Variants in KCNK2 observed in about 807,000 individuals in gnomAD.
The protein encoded by KCNK2 is potassium two pore domain channel subfamily K member 2.
KCNK2 carries 21 observed loss-of-function variants against 40.5 expected under a neutral mutation model. The ratio of observed to expected loss-of-function variants is 0.52; its 90% CI spans 0.37 to 0.75. The LOEUF (loss-of-function observed/expected upper bound fraction) is 0.75, where lower values mean the gene tolerates loss of function less well. Ranked by LOEUF, KCNK2 falls within the 30% of genes least tolerant of loss-of-function variation. KCNK2 has a pLI of 0.00. For missense variants in KCNK2, 399 were observed against 531.6 expected (o/e 0.75, Z 2.45); for synonymous variants, 191 against 202.2 (o/e 0.94, Z 0.47).
rs185636861 is a variant in KCNK2, at chr1:215,172,258, C to T, written c.823+75C>T. ...ATAGATTTTTCACTTAGGTTTATAACGAAACACAAGGGCTGTATGAGTTTT... is the reference window on the plus strand; with the variant it reads ...ATAGATTTTTCACTTAGGTTTATAATGAAACACAAGGGCTGTATGAGTTTT... On this transcript the variant is annotated intron_variant, in intron 5 of 6. Transcript: ENST00000444842. 1.2e-4 allele frequency: 157 copies of T among 1,349,010 alleles called. No individual in the cohort carries two copies. The African/African-American group carries it at 1.9e-3, about 17-fold the overall frequency. The allele number at this position is 1,349,010 out of a possible 1,614,324, so 83.6% of individuals were successfully genotyped here.
intron 3 of KCNK2, among the ~76,000 whole-genome samples, chr1:215,149,067 T>C (rs1662568050): frequency 6.6e-6 from 1 of 152,164 alleles, no homozygotes. Flanking sequence ...GTTTTGAAAC[T>C]ACAGAATATC....
At chr1:215,059,042 T>G (rs1658264627) in intron 1 of KCNK2, among the ~76,000 whole-genome samples, 2 of 144,912 alleles carry the variant, frequency 1.4e-5, no homozygotes, top group Admixed American at 1.4e-4. Context: ...TGTGTGTGTA[T>G]GCACATATAC....
intron 4 of KCNK2, among the ~76,000 whole-genome samples, chr1:215,169,794 C>T (rs960263442): frequency 2.6e-5 from 4 of 151,678 alleles, no homozygotes; most frequent in African/African-American, 4.8e-5. Flanking sequence ...TATAGGCACC[C>T]GCCACCATGC....
intron 2 of KCNK2, among the ~76,000 whole-genome samples, chr1:215,118,025 A>G (rs1288726865): frequency 6.6e-6 from 1 of 152,164 alleles, no homozygotes; most frequent in Non-Finnish European, 1.5e-5. Context: ...TTTTAAAAAT[A>G]CTTAGAAAAT....
intron 1 of KCNK2, among the ~76,000 whole-genome samples, chr1:215,040,736 T>C (rs1164226884): frequency 6.6e-6 from 1 of 152,144 alleles, no homozygotes; most frequent in Admixed American, 6.6e-5. Flanking sequence ...AGTTCTCACA[T>C]CTGTAACTGA....
chr1:215,183,496 G>A (rs1218639152), intron 5 of KCNK2, among the ~76,000 whole-genome samples: 3 of 152,032 alleles, frequency 2.0e-5, no homozygotes, highest in African/African-American at 7.3e-5. Context: ...TATTTCAACT[G>A]CCATTTGCTT....
chr1:215,234,602 CAT>C (rs1666801400), intron 6 of KCNK2, among the ~76,000 whole-genome samples: 1 of 152,078 alleles, frequency 6.6e-6, no homozygotes, highest in African/African-American at 2.4e-5. Flanking sequence ...TTGTTTGATT[CAT>C]AGAGTTTAAG....
intron 5 of KCNK2, among the ~76,000 whole-genome samples, chr1:215,176,281 C>G (rs945930789): frequency 6.6e-6 from 1 of 151,978 alleles, no homozygotes; most frequent in African/African-American, 2.4e-5. Context: ...TTGTTAGAAA[C>G]TTGTGTGTCT....
intron 1 of KCNK2, among the ~76,000 whole-genome samples, chr1:215,016,329 C>G (rs1656584502): frequency 6.6e-6 from 1 of 151,950 alleles, no homozygotes; most frequent in Non-Finnish European, 1.5e-5. Flanking sequence ...AAACTGGAGG[C>G]ATCACACTCC....
chr1:215,203,706 A>G (rs1278869335), intron 6 of KCNK2, among the ~76,000 whole-genome samples: 2 of 152,144 alleles, frequency 1.3e-5, no homozygotes, highest in East Asian at 3.9e-4. Flanking sequence ...TCACAAAACC[A>G]GAGACCAAAA....
intron 1 of KCNK2, among the ~76,000 whole-genome samples, chr1:215,007,037 A>ATATATATGTGTGTGTG (rs1330420661): frequency 1.9e-4 from 10 of 51,596 alleles, no homozygotes; most frequent in African/African-American, 6.2e-4. Flanking sequence ...ATATATATAT[A>ATATATATGTGTGTGTG]TGTGTGTGTG....
chr1:215,058,638 T>G (rs1658249990), intron 1 of KCNK2, among the ~76,000 whole-genome samples: 1 of 152,176 alleles, frequency 6.6e-6, no homozygotes, highest in African/African-American at 2.4e-5. Flanking sequence ...TGGCTTCCCA[T>G]TGTACTATGT....
At chr1:215,126,420 G>T (rs1020896962) in intron 3 of KCNK2, among the ~76,000 whole-genome samples, 4 of 152,084 alleles carry the variant, frequency 2.6e-5, no homozygotes, top group African/African-American at 4.8e-5. Flanking sequence ...TAAGTTTGGG[G>T]CTTAGACATC....
In KCNK2 at chr1:215,179,241, TC is replaced by T. The variant is rs567225220; in HGVS notation, c.823+7059del. Among the ~76,000 whole-genome samples, 715 of 152,190 alleles carry T rather than the reference TC, an allele frequency of 4.7e-3. 8 individuals are homozygous for T. The highest frequency in any genetic ancestry group is 7.3e-3 in the Non-Finnish European group (497 of 67,980). On this transcript the variant is annotated intron_variant, in intron 5 of 6. Coordinates refer to ENST00000444842, the MANE Select transcript of KCNK2 (RefSeq NM_001017425.3). ...TGATTGTGCTTATTTGGATCTTCTC[TC>T]ATTTTTTTCTTTGTTAATCTAGCTG...
chr1:215,144,057 C>A (rs993663190), intron 3 of KCNK2, among the ~76,000 whole-genome samples: 5 of 152,066 alleles, frequency 3.3e-5, no homozygotes, highest in African/African-American at 4.8e-5. Context: ...TCTGCCTTTA[C>A]CATGTGTGAG....
intron 2 of KCNK2, among the ~76,000 whole-genome samples, chr1:215,107,506 T>C (rs1288044034): frequency 6.6e-6 from 1 of 152,106 alleles, no homozygotes; most frequent in Admixed American, 6.6e-5. Context: ...TTATTGACAA[T>C]ATTTGTTACT....
At chr1:215,228,027 G>C (rs952761235) in intron 6 of KCNK2, among the ~76,000 whole-genome samples, 6 of 152,032 alleles carry the variant, frequency 3.9e-5, no homozygotes, top group African/African-American at 1.4e-4. Context: ...GGGAGCCATC[G>C]AAAGTGAAGA....
At chr1:215,179,674 G>A (rs1407106203) in intron 5 of KCNK2, among the ~76,000 whole-genome samples, 1 of 152,062 alleles carries the variant, frequency 6.6e-6, no homozygotes, top group Non-Finnish European at 1.5e-5. Flanking sequence ...GTGGTTTTGA[G>A]AGATCTTCTT....
chr1:215,048,963 G>T (rs1172042276), intron 1 of KCNK2, among the ~76,000 whole-genome samples: 1 of 152,198 alleles, frequency 6.6e-6, no homozygotes, highest in Non-Finnish European at 1.5e-5. Flanking sequence ...ATCCACAATG[G>T]ACATTGTATT....
Sources: gnomAD v4.1 joint callset for allele counts (sites outside exome capture counted in the v4.1 genomes callset) on GRCh38, gnomAD v4.1.1 for gene constraint, MANE v1.5 for transcripts, NCBI Gene and HGNC (gene_info 2026-07-23, HGNC 2026-07-21) for gene names.